MIS18BP1: variants seen among roughly 807,000 people sequenced by gnomAD.
The protein encoded by MIS18BP1 is MIS18 binding protein 1, also known as mis18-binding protein 1.
A neutral mutation model predicts 116.1 loss-of-function variants in MIS18BP1; 72 were observed. The ratio of observed to expected loss-of-function variants is 0.62; its 90% CI spans 0.51 to 0.75. The LOEUF (loss-of-function observed/expected upper bound fraction) is 0.75, where lower values mean the gene tolerates loss of function less well. MIS18BP1 is among the 30% of genes least tolerant of loss of function. The pLI is 0.00. For synonymous variants in MIS18BP1, 386 were observed against 427.0 expected, an observed-to-expected ratio of 0.90 and a Z score of 1.18; for missense variants, 1,363 against 1,303.2, an observed-to-expected ratio of 1.05 and a Z score of -0.71.
intron 2 of MIS18BP1, among the ~76,000 whole-genome samples, chr14:45,245,074 T>C (rs780037288): frequency 2.6e-4 from 39 of 149,154 alleles, no homozygotes; most frequent in East Asian, 1.4e-3. Context: ...CAAAAAGAGC[T>C]GTCTATGTTC....
chr14:45,244,041 C>G (rs1891661088), intron 2 of MIS18BP1, among the ~76,000 whole-genome samples: 1 of 152,172 alleles, frequency 6.6e-6, no homozygotes, highest in Non-Finnish European at 1.5e-5. Context: ...AGTCTCCCCA[C>G]TTCTACCCCC....
chr14:45,216,755 TTTAAA>T (rs1363910276), intron 13 of MIS18BP1, among the ~76,000 whole-genome samples: 1 of 152,200 alleles, frequency 6.6e-6, no homozygotes, highest in East Asian at 1.9e-4. Flanking sequence ...TATATTAAAC[TTTAAA>T]TATATATGTT....
At position 45,226,734 on chromosome 14, in the gene MIS18BP1, A is replaced by G; in HGVS notation, c.1840+9T>C. The G allele has an allele frequency of 1.5e-6, 2 of 1,369,902 alleles. No homozygotes were observed. Among genetic ancestry groups the G allele is most frequent in the Non-Finnish European group, 1.9e-6 (2 of 1,038,214 alleles). 84.9% of individuals were successfully genotyped at this position (1,369,902 alleles called of 1,614,324 possible). Reference sequence around the variant, plus strand: ...GCTTATGATTAAAAAACCATTAAAGATATATTACCTTGCTTCTGACTTTTT... The same window carrying G: ...GCTTATGATTAAAAAACCATTAAAGGTATATTACCTTGCTTCTGACTTTTT... On this transcript the variant is annotated intron_variant, in intron 10 of 16. Transcript: ENST00000310806.
intron 14 of MIS18BP1, among the ~76,000 whole-genome samples, chr14:45,207,025 A>AT (rs561812454): frequency 1.3e-5 from 2 of 151,926 alleles, no homozygotes; most frequent in Non-Finnish European, 2.9e-5. Flanking sequence ...CAACCACCAA[A>AT]TTTTTTTTCT....
intron 10 of MIS18BP1, among the ~76,000 whole-genome samples, chr14:45,225,954 A>C (rs1356451083): frequency 1.3e-5 from 2 of 152,056 alleles, no homozygotes; most frequent in African/African-American, 4.8e-5. Flanking sequence ...AAAGGTAATA[A>C]TCAAAATAAT....
chr14:45,246,098 C>G (rs1337367287), intron 2 of MIS18BP1, among the ~76,000 whole-genome samples: 2 of 152,172 alleles, frequency 1.3e-5, no homozygotes, highest in Non-Finnish European at 2.9e-5. Context: ...ATTTTAAAAA[C>G]ATTGTCATTG....
intron 4 of MIS18BP1, among the ~76,000 whole-genome samples, chr14:45,240,239 T>C (rs971837479): frequency 4.6e-5 from 7 of 152,032 alleles, no homozygotes; most frequent in Admixed American, 2.6e-4. Context: ...TTAGGACTGA[T>C]TCTGGGGAAA....
chr14:45,225,117 A>T (rs1349949116), intron 10 of MIS18BP1, among the ~76,000 whole-genome samples: 2 of 152,168 alleles, frequency 1.3e-5, no homozygotes, highest in Non-Finnish European at 2.9e-5. Context: ...TTGGTTCTCC[A>T]CTTTTAATAA....
chr14:45,214,358 A>G (rs1227583304), intron 13 of MIS18BP1, among the ~76,000 whole-genome samples: 1 of 152,212 alleles, frequency 6.6e-6, no homozygotes, highest in Non-Finnish European at 1.5e-5. Flanking sequence ...ATATGTGCAC[A>G]TCAAGGCACA....
intron 8 of MIS18BP1, 50 bp from the exon 9 acceptor site, chr14:45,227,864 G>T: frequency 1.2e-5 from 19 of 1,569,996 alleles, no homozygotes; most frequent in Non-Finnish European, 1.7e-5. Context: ...TAAAAGAGAA[G>T]CTGCTTTTCT....
chr14:45,221,262 C>T (rs900850474), intron 11 of MIS18BP1, among the ~76,000 whole-genome samples: 39 of 152,032 alleles, frequency 2.6e-4, no homozygotes, highest in Non-Finnish European at 4.4e-4. Context: ...CACGGTGAAA[C>T]CCCGTCTCTA....
chr14:45,238,290 T>C (rs561270098), intron 4 of MIS18BP1, among the ~76,000 whole-genome samples: 4 of 152,296 alleles, frequency 2.6e-5, no homozygotes, highest in Admixed American at 2.6e-4. Flanking sequence ...GGAAAACATT[T>C]TATGACAATC....
At chr14:45,216,359 T>G (rs1890818453) in intron 13 of MIS18BP1, among the ~76,000 whole-genome samples, 1 of 152,200 alleles carries the variant, frequency 6.6e-6, no homozygotes, top group Non-Finnish European at 1.5e-5. Flanking sequence ...TTTAACTTAT[T>G]TTTTTAAAAG....
rs376482727 is a variant in MIS18BP1 at position 45,214,239 on chromosome 14, A to C, written c.3003+2780T>G. Among the ~76,000 whole-genome samples, 113 of 152,336 alleles carry C rather than the reference A, an allele frequency of 7.4e-4. 1 individual carries two copies. The highest frequency in any genetic ancestry group is 2.6e-3 in the African/African-American group (107 of 41,560). On this transcript the variant is annotated intron_variant, in intron 13 of 16. Transcript: ENST00000310806. ...CTCCTGCTCGTCCCTGGGCAATAGAATATCTCAGTGTAAAACCCGACTGTA... is the reference window on the plus strand; with the variant it reads ...CTCCTGCTCGTCCCTGGGCAATAGACTATCTCAGTGTAAAACCCGACTGTA...
intron 9 of MIS18BP1, 114 bp from the exon 10 acceptor site, chr14:45,226,950 C>CTAATG: frequency 1.1e-6 from 1 of 891,148 alleles, no homozygotes; most frequent in Non-Finnish European, 1.5e-6. Flanking sequence ...TACAGTTCCG[C>CTAATG]AAATTTCATT....
At chr14:45,238,355 C>G (rs1270347585) in intron 4 of MIS18BP1, among the ~76,000 whole-genome samples, 2 of 152,004 alleles carry the variant, frequency 1.3e-5, no homozygotes, top group Non-Finnish European at 2.9e-5. Context: ...TGAACTACTT[C>G]TGATGAGAAA....
At position 45,248,450 on chromosome 14, in the gene MIS18BP1, T is replaced by A. The variant is rs57568594; in HGVS notation, c.-91-1073A>T. Among the ~76,000 whole-genome samples, 423 of 152,292 alleles carry A rather than the reference T, an allele frequency of 2.8e-3. 4 individuals carry two copies. The highest frequency in any genetic ancestry group is 9.6e-3 in the African/African-American group (401 of 41,556). ...TAAGGAACCATATAGTTGCATTAAC[T>A]AATATTTGGTAAATAAATAAAACAT... On this transcript the variant is annotated intron_variant, in intron 1 of 16. Transcript: ENST00000310806.
intron 4 of MIS18BP1, among the ~76,000 whole-genome samples, chr14:45,239,760 C>T (rs1267488589): frequency 6.6e-6 from 1 of 152,134 alleles, no homozygotes; most frequent in African/African-American, 2.4e-5. Flanking sequence ...AGGGAGACCA[C>T]TAGGCTATGA....
intron 3 of MIS18BP1, 67 bp from the exon 4 acceptor site, chr14:45,242,585 T>G (rs1029146861): frequency 2.1e-5 from 31 of 1,510,820 alleles, no homozygotes; most frequent in Non-Finnish European, 2.5e-5. Flanking sequence ...TTAAAAGAGA[T>G]AAATTTAGGT....
Sources: gnomAD v4.1 joint callset for allele counts (sites outside exome capture counted in the v4.1 genomes callset) on GRCh38, gnomAD v4.1.1 for gene constraint, MANE v1.5 for transcripts, NCBI Gene and HGNC (gene_info 2026-07-23, HGNC 2026-07-21) for gene names.